VTI1A: variants seen among roughly 807,000 people sequenced by gnomAD.
VTI1A encodes vesicle transport through interaction with t-SNAREs 1A, also known as vesicle transport through interaction with t-SNAREs homolog 1A.
Under a neutral mutation model 34.9 loss-of-function variants are expected in VTI1A, and 22 were observed. That is an observed-to-expected ratio of 0.63 (90% CI 0.45 to 0.90). The LOEUF is 0.90. Among genes scored for constraint, VTI1A ranks in the 40% least tolerant of loss-of-function variants. VTI1A has a pLI of 0.00. For synonymous variants in VTI1A, 87 were observed against 97.3 expected, an observed-to-expected ratio of 0.89 and a Z score of 0.62; for missense variants, 268 against 275.6, an observed-to-expected ratio of 0.97 and a Z score of 0.20.
intron 7 of VTI1A, among the ~76,000 whole-genome samples, chr10:112,687,346 G>A (rs1848452337): frequency 7.0e-6 from 1 of 142,210 alleles, no homozygotes; most frequent in South Asian, 2.2e-4. Flanking sequence ...CCATTCTCCT[G>A]CCTCAGCCTC....
At chr10:112,833,335 C>G in the VTI1A span, among the ~76,000 whole-genome samples, 1 of 151,888 alleles carries the variant, frequency 6.6e-6, no homozygotes, top group East Asian at 1.9e-4. Context: ...TCATACCCCT[C>G]TCCAGTACCC....
chr10:112,795,397 T>G (rs1324224912), intron 7 of VTI1A, among the ~76,000 whole-genome samples: 1 of 152,004 alleles, frequency 6.6e-6, no homozygotes, highest in Non-Finnish European at 1.5e-5. Context: ...ATTTTTACCC[T>G]TGTTCTTTTT....
chr10:112,829,048 C>G, the VTI1A span, among the ~76,000 whole-genome samples: 1 of 152,116 alleles, frequency 6.6e-6, no homozygotes, highest in Non-Finnish European at 1.5e-5. Context: ...AAAGATAAGG[C>G]AGGCAGTCTT....
intron 7 of VTI1A, among the ~76,000 whole-genome samples, chr10:112,687,427 G>T (rs1476231958): frequency 1.3e-5 from 2 of 151,206 alleles, no homozygotes; most frequent in Non-Finnish European, 2.9e-5. Flanking sequence ...TAGAGATGGG[G>T]TTTCACCTTG....
At chr10:112,693,109 T>C (rs1848662165) in intron 7 of VTI1A, among the ~76,000 whole-genome samples, 1 of 152,226 alleles carries the variant, frequency 6.6e-6, no homozygotes, top group Non-Finnish European at 1.5e-5. Flanking sequence ...AAAACATAAA[T>C]AAGTACCAAA....
At chr10:112,743,550 C>T (rs1850773084) in intron 7 of VTI1A, among the ~76,000 whole-genome samples, 1 of 152,194 alleles carries the variant, frequency 6.6e-6, no homozygotes, top group Non-Finnish European at 1.5e-5. Context: ...ACTCATTTCA[C>T]TTCCGCCCCA....
chr10:112,772,226 CTT>C (rs942439476), intron 7 of VTI1A, among the ~76,000 whole-genome samples: 47 of 152,300 alleles, frequency 3.1e-4, no homozygotes, highest in African/African-American at 1.1e-3. Context: ...GGTTATGAGA[CTT>C]TTCAATTCTA....
intron 7 of VTI1A, among the ~76,000 whole-genome samples, chr10:112,783,729 A>G (rs1233580557): frequency 2.0e-5 from 3 of 152,226 alleles, no homozygotes; most frequent in Non-Finnish European, 2.9e-5. Context: ...AGAGTAATGC[A>G]TGGCCTTGGC....
intron 2 of VTI1A, among the ~76,000 whole-genome samples, chr10:112,461,294 T>C (rs991049096): frequency 2.0e-5 from 3 of 152,200 alleles, no homozygotes; most frequent in Non-Finnish European, 4.4e-5. Context: ...GGGGACACAT[T>C]ATTTCCTCTC....
intron 3 of VTI1A, among the ~76,000 whole-genome samples, chr10:112,500,758 C>T (rs950462800): frequency 3.9e-5 from 6 of 152,142 alleles, no homozygotes; most frequent in South Asian, 2.1e-4. Context: ...TTCTACCTAC[C>T]GTTTTCTCTT....
At chr10:112,514,585 A>G (rs1849713273) in intron 3 of VTI1A, among the ~76,000 whole-genome samples, 1 of 151,728 alleles carries the variant, frequency 6.6e-6, no homozygotes, top group Admixed American at 6.6e-5. Flanking sequence ...TTGAACTGTA[A>G]CAGTAGATGG....
chr10:112,793,861 G>A (rs1233712099), intron 7 of VTI1A, among the ~76,000 whole-genome samples: 1 of 152,194 alleles, frequency 6.6e-6, no homozygotes, highest in Non-Finnish European at 1.5e-5. Flanking sequence ...TTGCAGGCAT[G>A]AGGTTTTTCT....
intron 3 of VTI1A, among the ~76,000 whole-genome samples, chr10:112,469,697 T>C (rs1179591018): frequency 6.6e-6 from 1 of 152,210 alleles, no homozygotes; most frequent in African/African-American, 2.4e-5. Context: ...CTCTCTGCCC[T>C]GGGCAACCTC....
intron 5 of VTI1A, among the ~76,000 whole-genome samples, chr10:112,545,882 G>A (rs1440043986): frequency 6.6e-6 from 1 of 151,672 alleles, no homozygotes; most frequent in East Asian, 1.9e-4. Context: ...GCATATATAT[G>A]TGTATATATG....
chr10:112,642,717 A>C (rs1350968427), intron 5 of VTI1A, among the ~76,000 whole-genome samples: 3 of 152,090 alleles, frequency 2.0e-5, no homozygotes, highest in Non-Finnish European at 4.4e-5. Context: ...AGTTTGTTAC[A>C]GTCTAATGGG....
At chr10:112,668,123 C>A in intron 5 of VTI1A, 95 bp from the exon 6 acceptor site, 1 of 937,046 alleles carries the variant, frequency 1.1e-6, no homozygotes, top group Non-Finnish European at 1.7e-6. Flanking sequence ...TGCATGCATG[C>A]AACTTTAACA....
chr10:112,472,158 A>C (rs774941997), intron 3 of VTI1A, among the ~76,000 whole-genome samples: 1 of 152,198 alleles, frequency 6.6e-6, no homozygotes, highest in Admixed American at 6.5e-5. Context: ...GGGGTGAATG[A>C]TTAGATCGTA....
chr10:112,697,865 CATGTGTGTGTGT>C (rs1041649653), intron 7 of VTI1A, among the ~76,000 whole-genome samples: 4 of 126,112 alleles, frequency 3.2e-5, no homozygotes, highest in Admixed American at 8.3e-5. Flanking sequence ...TTAGCATTTA[CATGTGTGTGTGT>C]GTGTGTGTGT....
chr10:112,547,116 CA>C (rs1179457728), intron 5 of VTI1A, among the ~76,000 whole-genome samples: 2 of 151,382 alleles, frequency 1.3e-5, no homozygotes, highest in African/African-American at 4.9e-5. Flanking sequence ...CCCATGTCCA[CA>C]AAAAATACAA....
Sources: allele counts gnomAD v4.1 joint callset (sites outside exome capture counted in the v4.1 genomes callset), GRCh38; gene constraint gnomAD v4.1.1; transcripts MANE v1.5; gene names NCBI Gene and HGNC (gene_info 2026-07-23, HGNC 2026-07-21).